Variants in ATP13A4 observed in about 807,000 individuals in gnomAD.
The protein encoded by ATP13A4 is probable cation-transporting ATPase 13A4.
Under a neutral mutation model 142.5 loss-of-function variants are expected in ATP13A4, and 114 were observed. That is an observed-to-expected ratio of 0.80 (90% CI 0.69 to 0.93). The LOEUF is 0.93. Ranked by LOEUF, ATP13A4 falls within the 40% of genes least tolerant of loss-of-function variation. ATP13A4 has a pLI of 0.00. For synonymous variants in ATP13A4, 488 were observed against 514.8 expected, an observed-to-expected ratio of 0.95 and a Z score of 0.70; for missense variants, 1,392 against 1,454.0, an observed-to-expected ratio of 0.96 and a Z score of 0.69.
rs73063926 is a variant in ATP13A4, at chr3:193,503,602, A to G, written c.235-963T>C. On this transcript the variant is annotated intron_variant, in intron 2 of 29. Coordinates refer to ENST00000342695, the MANE Select transcript of ATP13A4 (RefSeq NM_032279.4). ...CTCCACCACCACACCCATTTTTGCT[A>G]TGAAGAGTGCCCTAGCTGACTCTGC... Among the ~76,000 whole-genome samples the G allele has an allele frequency of 6.8e-3, 1,032 of 152,300 alleles. 10 individuals are homozygous for G. The highest frequency in any genetic ancestry group is 0.023 in the East Asian group (120 of 5,190).
intron 8 of ATP13A4, among the ~76,000 whole-genome samples, chr3:193,472,080 G>A (rs550494271): frequency 6.6e-5 from 10 of 152,282 alleles, no homozygotes; most frequent in Admixed American, 1.3e-4. Flanking sequence ...GAGCATCAGC[G>A]GTGATGAAAG....
At chr3:193,436,316 A>G (rs530466639) in intron 23 of ATP13A4, among the ~76,000 whole-genome samples, 1 of 152,334 alleles carries the variant, frequency 6.6e-6, no homozygotes, top group Admixed American at 6.5e-5. Flanking sequence ...GAGCATTTTC[A>G]TTTGTGTTAT....
intron 29 of ATP13A4, among the ~76,000 whole-genome samples, chr3:193,405,576 C>T (rs890715399): frequency 5.3e-5 from 8 of 152,082 alleles, no homozygotes; most frequent in African/African-American, 9.7e-5. Context: ...ACCATAATCA[C>T]GTGCACAAAC....
At chr3:193,484,388 A>G (rs1719488317) in intron 7 of ATP13A4, among the ~76,000 whole-genome samples, 1 of 152,016 alleles carries the variant, frequency 6.6e-6, no homozygotes, top group Non-Finnish European at 1.5e-5. Flanking sequence ...CTTCCTCATA[A>G]TATTTGCTGT....
chr3:193,496,466 T>C (rs571045171), intron 3 of ATP13A4, among the ~76,000 whole-genome samples: 1 of 152,218 alleles, frequency 6.6e-6, no homozygotes, highest in African/African-American at 2.4e-5. Flanking sequence ...GAACACACAA[T>C]GGATAAAGGA....
intron 12 of ATP13A4, 39 bp from the exon 13 acceptor site, chr3:193,462,862 A>G (rs763002159): frequency 6.2e-7 from 1 of 1,603,536 alleles, no homozygotes; most frequent in Non-Finnish European, 8.5e-7. Flanking sequence ...CTGAAGATCC[A>G]GGCAAGGAGC....
intron 1 of ATP13A4, among the ~76,000 whole-genome samples, chr3:193,540,586 A>G (rs1722841270): frequency 6.7e-6 from 1 of 149,732 alleles, no homozygotes; most frequent in Non-Finnish European, 1.5e-5. Context: ...ACAAGACAAG[A>G]TTTATACACA....
chr3:193,412,409 T>G, intron 26 of ATP13A4, 38 bp from the exon 27 acceptor site: 1 of 1,585,990 alleles, frequency 6.3e-7, no homozygotes, highest in Non-Finnish European at 8.7e-7. Flanking sequence ...GAAGTAAGAT[T>G]GCAAGGCTTT....
In ATP13A4 at chr3:193,470,866, C is replaced by A. The variant is rs748763624; in HGVS notation, c.936G>T (p.Met312Ile). 6.2e-7 allele frequency: 1 copy of A among 1,614,088 alleles called. No homozygotes were observed. The highest frequency in any genetic ancestry group is 1.1e-5 in the South Asian group (1 of 91,084). Reference protein sequence around the residue: ...IEGSCVVDEGMLTGESIPVTK... With the variant: ...IEGSCVVDEGILTGESIPVTK... Reference sequence around the variant, plus strand: ...GTGGAGATGGAACTGTACCTGTCAGCATGCCTTCATCCACCACACAGCTGC... The same window carrying A: ...GTGGAGATGGAACTGTACCTGTCAGAATGCCTTCATCCACCACACAGCTGC... Residue 312 changes from methionine (M) to isoleucine (I), a missense_variant, in exon 9 of 30, where the codon ATG becomes ATT. Coordinates refer to ENST00000342695, the MANE Select transcript of ATP13A4 (RefSeq NM_032279.4).
At chr3:193,539,724 T>C (rs1193542279) in intron 1 of ATP13A4, among the ~76,000 whole-genome samples, 1 of 152,220 alleles carries the variant, frequency 6.6e-6, no homozygotes, top group African/African-American at 2.4e-5. Flanking sequence ...CCTGTAGTGA[T>C]AGTGCCTACC....
chr3:193,493,296 T>C lies in ATP13A4; in HGVS notation c.382-136A>G, dbSNP rs896698516. 1.9e-4 allele frequency: 142 copies of C among 761,010 alleles called. 1 individual carries two copies. Among genetic ancestry groups the C allele is most frequent in the Middle Eastern group, 7.4e-4 (2 of 2,704 alleles). The allele number at this position is 761,010 out of a possible 1,614,324, so 47.1% of individuals were successfully genotyped here. A position where few individuals can be genotyped will look rare whatever the true frequency, so the allele number is the denominator to read the frequency against. ...ACTTATTTAAGATTTTATCCTTTTCTAATTTACCCTTTGCTTTTCTACCAT... is the reference window on the plus strand; with the variant it reads ...ACTTATTTAAGATTTTATCCTTTTCCAATTTACCCTTTGCTTTTCTACCAT... On this transcript the variant is annotated intron_variant, in intron 3 of 29. Coordinates refer to ENST00000342695, the MANE Select transcript of ATP13A4 (RefSeq NM_032279.4).
chr3:193,499,580 A>T (rs1394933742), intron 3 of ATP13A4, among the ~76,000 whole-genome samples: 1 of 152,196 alleles, frequency 6.6e-6, no homozygotes, highest in Non-Finnish European at 1.5e-5. Flanking sequence ...ACTCCAGCCC[A>T]TCTGGCTCCA....
chr3:193,411,473 C>G (rs193240728), intron 27 of ATP13A4, among the ~76,000 whole-genome samples: 18 of 152,218 alleles, frequency 1.2e-4, no homozygotes, highest in Admixed American at 5.2e-4. Context: ...ATATAGAGGT[C>G]AGTATTTAGC....
At chr3:193,475,994 A>G (rs1341532783) in intron 8 of ATP13A4, among the ~76,000 whole-genome samples, 1 of 152,064 alleles carries the variant, frequency 6.6e-6, no homozygotes, top group East Asian at 1.9e-4. Context: ...TAGAGAAAAG[A>G]GAAACACAAG....
intron 7 of ATP13A4, among the ~76,000 whole-genome samples, chr3:193,487,114 A>G (rs6803856): frequency 0.44 from 66,695 of 151,938 alleles, 14,780 homozygotes; most frequent in African/African-American, 0.51. Context: ...AGAGAACGGA[A>G]AAGAGCAACT....
intron 25 of ATP13A4, among the ~76,000 whole-genome samples, chr3:193,419,729 A>T (rs1715314136): frequency 6.7e-6 from 1 of 150,176 alleles, no homozygotes. Context: ...CCAACAGGAA[A>T]AATAGCTCTA....
chr3:193,531,625 T>C (rs1054543491), intron 1 of ATP13A4, among the ~76,000 whole-genome samples: 2 of 152,224 alleles, frequency 1.3e-5, no homozygotes, highest in African/African-American at 4.8e-5. Flanking sequence ...ATGATATTTG[T>C]TCAATTGACA....
At chr3:193,581,247 C>A (rs1162230224) in intron 2 of ATP13A4, among the ~76,000 whole-genome samples, 1 of 152,134 alleles carries the variant, frequency 6.6e-6, no homozygotes, top group East Asian at 1.9e-4. Context: ...ATGTTATTCA[C>A]AATGTAAAAC....
chr3:193,541,738 C>A (rs1722942690), intron 1 of ATP13A4, among the ~76,000 whole-genome samples: 1 of 152,142 alleles, frequency 6.6e-6, no homozygotes, highest in African/African-American at 2.4e-5. Flanking sequence ...GACCCCAACT[C>A]TAGGAGAGGG....
Sources: gnomAD v4.1 joint callset for allele counts (sites outside exome capture counted in the v4.1 genomes callset) on GRCh38, gnomAD v4.1.1 for gene constraint, MANE v1.5 for transcripts, NCBI Gene and HGNC (gene_info 2026-07-23, HGNC 2026-07-21) for gene names.